PNISR: variants seen among roughly 807,000 people sequenced by gnomAD.
PNISR encodes PNN interacting serine and arginine rich protein.
PNISR carries 20 observed loss-of-function variants against 93.4 expected under a neutral mutation model. The observed-to-expected ratio is 0.21, with a 90% CI of 0.15 to 0.31. The LOEUF (loss-of-function observed/expected upper bound fraction) is 0.31. Among genes scored for constraint, PNISR ranks in the 10% least tolerant of loss-of-function variants. The pLI is 1.00. For missense variants in PNISR, 893 were observed against 985.4 expected, an observed-to-expected ratio of 0.91 and a Z score of 1.25; for synonymous variants, 305 against 306.5, an observed-to-expected ratio of 0.99 and a Z score of 0.05.
chr6:99,412,544 A>T lies in PNISR; in HGVS notation c.277+7T>A. Reference sequence around the variant, plus strand: ...GTCTTAAAATTGTGAAAACATAAACAACAAACCTGGTTGCCACATTCTGTT... The same window carrying T: ...GTCTTAAAATTGTGAAAACATAAACTACAAACCTGGTTGCCACATTCTGTT... On this transcript the variant is annotated splice_region_variant and intron_variant, in intron 4 of 11. Coordinates refer to ENST00000369239, the MANE Select transcript of PNISR (RefSeq NM_032870.4). 6.4e-7 allele frequency: 1 copy of T among 1,568,826 alleles called. No homozygotes were observed. Among genetic ancestry groups the T allele is most frequent in the Non-Finnish European group, 8.6e-7 (1 of 1,157,902 alleles).
At position 99,425,293 on chromosome 6, in the gene PNISR, G is replaced by T; in HGVS notation, c.-190C>A. 1 of 1,231,992 alleles carries T rather than the reference G, an allele frequency of 8.1e-7. No homozygotes were observed. Among genetic ancestry groups the T allele is most frequent in the Non-Finnish European group, 1.0e-6 (1 of 987,882 alleles). The allele number at this position is 1,231,992 out of a possible 1,614,324, so 76.3% of individuals were successfully genotyped here. A position where few individuals can be genotyped will look rare whatever the true frequency, so the allele number is the denominator to read the frequency against. ...ACGCTTTCGATGCTTCTACTTCTTC[G>T]GGAACAAGACAAGATGGCGCCCGAT... On this transcript the variant is annotated 5_prime_UTR_variant, in exon 1 of 12. Coordinates refer to ENST00000369239, the MANE Select transcript of PNISR (RefSeq NM_032870.4).
intron 2 of PNISR, 61 bp downstream of exon 2, chr6:99,416,288 T>TA: frequency 2.0e-6 from 1 of 500,096 alleles, no homozygotes; most frequent in Non-Finnish European, 3.1e-6. Context: ...CAACTTTAAT[T>TA]AAGAGTTAAC....
rs2128504000 is a variant in PNISR, at chr6:99,425,278, T to C, written c.-175A>G. 6 of 1,232,186 alleles carry C rather than the reference T, an allele frequency of 4.9e-6. No individual in the cohort carries two copies. The South Asian group carries it at 1.2e-4, about 25-fold the overall frequency. The allele number at this position is 1,232,186 out of a possible 1,614,324, so 76.3% of individuals were successfully genotyped here. A position where few individuals can be genotyped will look rare whatever the true frequency, so the allele number is the denominator to read the frequency against. On this transcript the variant is annotated 5_prime_UTR_variant, in exon 1 of 12. Transcript: ENST00000369239. ...GGTAACACCTCTCCAACGCTTTCGA[T>C]GCTTCTACTTCTTCGGGAACAAGAC...
chr6:99,409,757 G>A (rs1445838325), intron 5 of PNISR: 1 of 155,348 alleles, frequency 6.4e-6, no homozygotes, highest in Non-Finnish European at 1.4e-5. Context: ...TAATCTTGCA[G>A]ATATATTCAT....
intron 11 of PNISR, among the ~76,000 whole-genome samples, chr6:99,402,243 C>T (rs936134146): frequency 5.3e-5 from 8 of 152,056 alleles, no homozygotes; most frequent in Non-Finnish European, 8.8e-5. Context: ...CTTATATATC[C>T]TAGCTACAAA....
chr6:99,402,404 G>T, intron 11 of PNISR, 136 bp downstream of exon 11: 1 of 622,094 alleles, frequency 1.6e-6, no homozygotes, highest in Non-Finnish European at 2.4e-6. Flanking sequence ...AACAAAAATT[G>T]TGACTTTAGT....
chr6:99,412,509 T>A (rs1037709177), intron 4 of PNISR, 42 bp downstream of exon 4: 2 of 1,381,906 alleles, frequency 1.4e-6, no homozygotes, highest in Admixed American at 2.0e-5. Flanking sequence ...CTTCATTCTG[T>A]TTTTTAAAAG....
intron 1 of PNISR, among the ~76,000 whole-genome samples, chr6:99,421,703 TA>T (rs1304185983): frequency 6.6e-6 from 1 of 152,196 alleles, no homozygotes; most frequent in African/African-American, 2.4e-5. Flanking sequence ...TGTGGAAGAA[TA>T]AATTTCTGTT....
At chr6:99,404,073 G>A in intron 9 of PNISR, 191 bp from the exon 10 acceptor site, 3 of 541,800 alleles carry the variant, frequency 5.5e-6, no homozygotes, top group Non-Finnish European at 6.6e-6. Flanking sequence ...GATGTGAGCT[G>A]AAATTGGTTT....
intron 3 of PNISR, among the ~76,000 whole-genome samples, chr6:99,413,960 TAAC>T (rs1176956198): frequency 6.6e-6 from 1 of 152,178 alleles, no homozygotes; most frequent in African/African-American, 2.4e-5. Flanking sequence ...AAACTTTAAA[TAAC>T]AAAACACCCA....
intron 4 of PNISR, chr6:99,411,749 G>C (rs1343589322): frequency 6.5e-6 from 1 of 154,308 alleles, no homozygotes; most frequent in African/African-American, 2.4e-5. Context: ...CAAGTAGCTG[G>C]GACTACAGGC....
intron 1 of PNISR, among the ~76,000 whole-genome samples, chr6:99,418,678 G>T (rs1778066612): frequency 6.6e-6 from 1 of 152,080 alleles, no homozygotes; most frequent in Admixed American, 6.6e-5. Flanking sequence ...ATGTGAAATT[G>T]GGAAAAACAG....
At chr6:99,413,184 A>G (rs570440633) in intron 3 of PNISR, among the ~76,000 whole-genome samples, 35 of 152,168 alleles carry the variant, frequency 2.3e-4, no homozygotes, top group Non-Finnish European at 4.1e-4. Flanking sequence ...ATTCGAGCCT[A>G]TAGGCCTTTG....
At chr6:99,403,905 G>A (rs1775824335) in intron 9 of PNISR, 23 bp from the exon 10 acceptor site, 1 of 1,597,110 alleles carries the variant, frequency 6.3e-7, no homozygotes, top group Admixed American at 1.7e-5. Context: ...TCAACAACAG[G>A]AACAACATGT....
intron 1 of PNISR, among the ~76,000 whole-genome samples, chr6:99,420,495 T>C (rs930057680): frequency 7.9e-5 from 12 of 152,230 alleles, no homozygotes; most frequent in Non-Finnish European, 1.8e-4. Flanking sequence ...TTACTAGTGA[T>C]TTTATGGCAA....
At chr6:99,402,500 C>A in intron 11 of PNISR, 40 bp downstream of exon 11, 1 of 1,414,236 alleles carries the variant, frequency 7.1e-7, no homozygotes, top group Non-Finnish European at 9.6e-7. Context: ...AAAAGAAATA[C>A]AAAACTGGAC....
intron 5 of PNISR, 28 bp downstream of exon 5, chr6:99,410,713 A>G (rs763871900): frequency 6.6e-7 from 1 of 1,524,336 alleles, no homozygotes; most frequent in South Asian, 1.1e-5. Context: ...GCACATCTAC[A>G]ATATTAAAGC....
intron 1 of PNISR, among the ~76,000 whole-genome samples, chr6:99,419,504 C>T (rs1778261079): frequency 6.6e-6 from 1 of 152,138 alleles, no homozygotes; most frequent in African/African-American, 2.4e-5. Context: ...TGTCCCTTTT[C>T]TACAAAATTT....
Position 99,404,679 on chromosome 6 carries a change from T to C in PNISR, c.1026A>G (p.Leu342=), listed in dbSNP as rs1775922261. 1.3e-6 allele frequency: 2 copies of C among 1,596,582 alleles called. No individual in the cohort carries two copies. The highest frequency in any genetic ancestry group is 8.6e-7 in the Non-Finnish European group (1 of 1,164,598). ...YQMMLLTKML[L]TEILLDVTDE... ...CTGTGACATCCAGCAGAATTTCTGTTAGAAGCATTTTTGTCAGCAACATCT... is the reference window on the plus strand; with the variant it reads ...CTGTGACATCCAGCAGAATTTCTGTCAGAAGCATTTTTGTCAGCAACATCT... Residue 342 remains leucine, a synonymous_variant, in exon 9 of 12, where the codon CTA becomes CTG. Transcript: ENST00000369239.
Sources: gnomAD v4.1 joint callset for allele counts (sites outside exome capture counted in the v4.1 genomes callset) on GRCh38, gnomAD v4.1.1 for gene constraint, MANE v1.5 for transcripts, NCBI Gene and HGNC (gene_info 2026-07-23, HGNC 2026-07-21) for gene names.